The following TATDN2 variants were observed in gnomAD, a reference collection of about 807,000 sequenced individuals.
TATDN2 encodes the protein TatD DNase domain containing 2.
In TATDN2, 44 loss-of-function variants were observed where a neutral mutation model predicts 60.3. That is an observed-to-expected ratio of 0.73 (90% confidence interval 0.57 to 0.94). The LOEUF (loss-of-function observed/expected upper bound fraction) is 0.94. Ranked by LOEUF, TATDN2 falls within the 40% of genes least tolerant of loss-of-function variation. The pLI is 0.00. For missense variants in TATDN2, 997 were observed against 948.0 expected (o/e 1.05, Z -0.68); for synonymous variants, 399 against 355.8 (o/e 1.12, Z -1.37).
chr3:10,278,485 T>C lies in TATDN2; in HGVS notation c.2145+23T>C. Reference sequence around the variant, plus strand: ...CAGGTAAGGGGGTCTTCAGGCTGAGTGGAGGCACCGGAGGGAGAGGGTGGG... The same window carrying C: ...CAGGTAAGGGGGTCTTCAGGCTGAGCGGAGGCACCGGAGGGAGAGGGTGGG... On this transcript the variant is annotated intron_variant, in intron 6 of 7. Coordinates refer to ENST00000448281, the MANE Select transcript of TATDN2 (RefSeq NM_014760.4). The surrounding 1 kb of genome is among the most constrained non-coding windows in gnomAD (Gnocchi z 4.7). 3 of 1,603,138 alleles carry C rather than the reference T, an allele frequency of 1.9e-6. No individual in the cohort carries two copies. The highest frequency in any genetic ancestry group is 2.6e-6 in the Non-Finnish European group (3 of 1,171,900).
Position 10,249,303 on chromosome 3 carries a change from T to G in TATDN2, c.103T>G (p.Ser35Ala), listed in dbSNP as rs752433116. 5 of 1,606,774 alleles carry G rather than the reference T, an allele frequency of 3.1e-6. No homozygotes were observed. Among genetic ancestry groups the G allele is most frequent in the Non-Finnish European group, 4.3e-6 (5 of 1,175,284 alleles). ...CCGGGAGCCCTGTGATGTGGCCCCC[T>G]CCAGCCGGCCAGCTCAGAGGTCTGC... ...CLREPCDVAP[S>A]SRPAQRSASR... Residue 35 changes from serine to alanine, a missense_variant, in exon 2 of 8, where the codon TCC (serine) becomes GCC (alanine). Transcript: ENST00000448281.
intron 3 of TATDN2, among the ~76,000 whole-genome samples, chr3:10,264,652 T>A (rs1040502301): frequency 2.0e-5 from 3 of 152,034 alleles, no homozygotes; most frequent in Non-Finnish European, 2.9e-5. Context: ...TTTTAAAAAA[T>A]TTTTCTGGAT....
chr3:10,249,449 C>T lies in TATDN2; in HGVS notation c.249C>T (p.Ser83=), dbSNP rs773980285. The T allele has an allele frequency of 5.0e-6, 8 of 1,613,352 alleles. No individual in the cohort carries two copies. In the Admixed American group the frequency reaches 5.0e-5, roughly 10 times the overall value. ...SSRRRNNSSS[S]FSPHFLGPGV... is the part of the protein sequence containing the mutation. Reference sequence around the variant, plus strand: ...GCCGCAGAAATAACTCCTCCTCCTCCTTCTCCCCACATTTCTTGGGCCCTG... The same window carrying T: ...GCCGCAGAAATAACTCCTCCTCCTCTTTCTCCCCACATTTCTTGGGCCCTG... The change falls in exon 2 of 8, where the codon TCC becomes TCT. Residue 83 remains serine (S), a synonymous_variant. Coordinates refer to ENST00000448281, the MANE Select transcript of TATDN2 (RefSeq NM_014760.4).
At chr3:10,260,813 C>A in intron 3 of TATDN2, 143 bp downstream of exon 3, 3 of 951,972 alleles carry the variant, frequency 3.2e-6, no homozygotes, top group African/African-American at 1.7e-5. Flanking sequence ...TGATGGTTTT[C>A]TTCTAACATA....
intron 2 of TATDN2, among the ~76,000 whole-genome samples, chr3:10,250,787 C>T (rs982765551): frequency 1.3e-5 from 2 of 152,200 alleles, no homozygotes; most frequent in Non-Finnish European, 2.9e-5. Context: ...GAATTTGTCT[C>T]AAATCAGGTA....
intron 3 of TATDN2, among the ~76,000 whole-genome samples, chr3:10,265,265 C>A (rs1356414206): frequency 1.3e-5 from 2 of 148,954 alleles, no homozygotes; most frequent in African/African-American, 2.5e-5. Flanking sequence ...TTAGCAGAGA[C>A]AGGATTTCAC....
In TATDN2 at chr3:10,274,989, AT is replaced by A. The variant is rs34892858; in HGVS notation, c.1834-1354del. Reference sequence around the variant, plus strand: ...GAGGTAATTTGCTTATAATGAATTAATTTTTTTTTTTTTTTTTTGGAGACAG... The same window carrying A: ...GAGGTAATTTGCTTATAATGAATTAATTTTTTTTTTTTTTTTTGGAGACAG... On this transcript the variant is annotated intron_variant, in intron 4 of 7. Transcript: ENST00000448281. Among the ~76,000 whole-genome samples, 491 of 136,220 alleles carry A rather than the reference AT, an allele frequency of 3.6e-3. 1 individual carries two copies. The highest frequency in any genetic ancestry group is 7.8e-3 in the African/African-American group (283 of 36,492). The allele number at this position is 136,220 out of a possible 152,430, so 89.4% of individuals were successfully genotyped here. A position where few individuals can be genotyped will look rare whatever the true frequency, so the allele number is the denominator to read the frequency against.
intron 4 of TATDN2, among the ~76,000 whole-genome samples, chr3:10,274,993 T>TA (rs1340888466): frequency 6.6e-6 from 1 of 151,072 alleles, no homozygotes; most frequent in Non-Finnish European, 1.5e-5. Context: ...GAATTAATTT[T>TA]TTTTTTTTTT....
intron 4 of TATDN2, among the ~76,000 whole-genome samples, chr3:10,272,872 CAAA>C (rs796447999): frequency 7.5e-6 from 1 of 133,638 alleles, no homozygotes; most frequent in African/African-American, 2.7e-5. Flanking sequence ...CTATCTCTAC[CAAA>C]AAAAAAAAAA....
rs535893747 is a variant in TATDN2, at chr3:10,249,331, C to T, written c.131C>T (p.Ser44Leu). 6.8e-6 allele frequency: 11 copies of T among 1,611,858 alleles called. No homozygotes were observed. The South Asian group carries it at 8.8e-5, about 13-fold the overall frequency. The change falls in exon 2 of 8, where the codon TCG becomes TTG. Residue 44 changes from serine to leucine, a missense_variant. By Grantham distance (145) the Ser-to-Leu change is moderately radical. Transcript: ENST00000448281. ...PSSRPAQRSASRSGGPSSPKR... is the reference protein window; with the variant it reads ...PSSRPAQRSALRSGGPSSPKR... ...AGCCGGCCAGCTCAGAGGTCTGCGT[C>T]GCGTTCTGGAGGGCCCAGCAGCCCC...
At chr3:10,249,168 G>C in intron 1 of TATDN2, 27 bp from the exon 2 acceptor site, 3 of 1,486,532 alleles carry the variant, frequency 2.0e-6, no homozygotes, top group Non-Finnish European at 2.7e-6. Flanking sequence ...GGGTGGTGTT[G>C]GAATCCAGGC....
chr3:10,257,877 G>GTTTTTTTTTTT (rs1559460300), intron 2 of TATDN2, among the ~76,000 whole-genome samples: 1 of 19,404 alleles, frequency 5.2e-5, no homozygotes, highest in Non-Finnish European at 9.4e-5. Context: ...TTTTTTTTTT[G>GTTTTTTTTTTT]GGAGATGGAG....
At chr3:10,253,863 G>T (rs1034778328) in intron 2 of TATDN2, among the ~76,000 whole-genome samples, 1 of 152,234 alleles carries the variant, frequency 6.6e-6, no homozygotes, top group Non-Finnish European at 1.5e-5. Flanking sequence ...CATGCAGCTG[G>T]TAAATGGCCG....
chr3:10,253,363 C>T (rs934552068), intron 2 of TATDN2, among the ~76,000 whole-genome samples: 2 of 152,212 alleles, frequency 1.3e-5, no homozygotes, highest in African/African-American at 2.4e-5. Context: ...CAGCCTTTAA[C>T]ACATCTTTCT....
At position 10,248,489 on chromosome 3, in the gene TATDN2, C is replaced by G. The variant is rs969368277; in HGVS notation, c.-585C>G. ...TCTCCGGCCTGCGGGCCGCAGGGCTCGTTCCGGAGGGCGGGCGCCACGGAG... is the reference window on the plus strand; with the variant it reads ...TCTCCGGCCTGCGGGCCGCAGGGCTGGTTCCGGAGGGCGGGCGCCACGGAG... On this transcript the variant is annotated 5_prime_UTR_variant, in exon 1 of 8. Coordinates refer to ENST00000448281, the MANE Select transcript of TATDN2 (RefSeq NM_014760.4). 1 of 152,112 alleles carries G rather than the reference C, an allele frequency of 6.6e-6. No homozygotes were observed. The highest frequency in any genetic ancestry group is 1.5e-5 in the Non-Finnish European group (1 of 68,042). The allele number at this position is 152,112 out of a possible 1,614,324, so 9.4% of individuals were successfully genotyped here.
At position 10,260,552 on chromosome 3, in the gene TATDN2, T is replaced by C. The variant is rs781008563; in HGVS notation, c.830T>C (p.Ile277Thr). The C allele has an allele frequency of 6.8e-6, 11 of 1,614,022 alleles. No homozygotes were observed. The highest frequency in any genetic ancestry group is 1.6e-4 in the Middle Eastern group (1 of 6,084). Residue 277 changes from isoleucine to threonine, a missense_variant, in exon 3 of 8, where the codon ATA (isoleucine) becomes ACA (threonine). Transcript: ENST00000448281. ...AGCTTCTATGACAGGAGAGTAGTTA[T>C]AGACCCTCAAGAGAAACCCAGTGAG... Reference protein sequence around the residue: ...RSSFYDRRVVIDPQEKPSEEP... With the variant: ...RSSFYDRRVVTDPQEKPSEEP...
At chr3:10,269,608 A>G (rs2270456) in intron 3 of TATDN2, among the ~76,000 whole-genome samples, 13,693 of 152,088 alleles carry the variant, frequency 0.09, 853 homozygotes, top group East Asian at 0.27. Context: ...GGCTGAGGCA[A>G]GAGGATTACT....
At chr3:10,252,855 ATTTTT>A (rs373138121) in intron 2 of TATDN2, among the ~76,000 whole-genome samples, 1 of 112,034 alleles carries the variant, frequency 8.9e-6, no homozygotes, top group Admixed American at 9.3e-5. Context: ...TGCCTGGCTA[ATTTTT>A]TTTTTTTTTT....
intron 2 of TATDN2, among the ~76,000 whole-genome samples, chr3:10,253,700 C>G (rs976010558): frequency 5.9e-5 from 9 of 152,244 alleles, no homozygotes; most frequent in African/African-American, 1.9e-4. Flanking sequence ...TATAGACTAT[C>G]ACATAATCCC....
Sources: gnomAD v4.1 joint callset for allele counts (sites outside exome capture counted in the v4.1 genomes callset) on GRCh38, gnomAD v4.1.1 for gene constraint, Gnocchi (gnomAD v3.1) non-coding constraint, MANE v1.5 for transcripts, NCBI Gene and HGNC (gene_info 2026-07-23, HGNC 2026-07-21) for gene names.